Variants in PLPPR5 observed in about 807,000 individuals in gnomAD.
The protein encoded by PLPPR5 is phospholipid phosphatase related 5, also known as phospholipid phosphatase-related protein type 5.
Under a neutral mutation model 33.9 loss-of-function variants are expected in PLPPR5, and 16 were observed. That is an observed-to-expected ratio of 0.47 (90% CI 0.32 to 0.72). The LOEUF is 0.72. Among genes scored for constraint, PLPPR5 ranks in the 30% least tolerant of loss-of-function variants. The pLI, the probability that PLPPR5 is intolerant of heterozygous loss-of-function variation, is 0.03. For missense variants in PLPPR5, 301 were observed against 406.7 expected (o/e 0.74, Z 2.23); for synonymous variants, 163 against 150.3 (o/e 1.08, Z -0.62).
chr1:99,004,475 A>T lies in PLPPR5; in HGVS notation c.197T>A (p.Val66Glu), dbSNP rs1652994405. The change falls in exon 1 of 6, where the codon GTG becomes GAG. Residue 66 changes from valine to glutamate, a missense_variant. Coordinates refer to ENST00000263177, the MANE Select transcript of PLPPR5 (RefSeq NM_001037317.2). ...CCCGGCGGCCAGCGAGTAGAGGAGCACGGGGGGCACGGCGCTGCTGTCCTC... is the reference window on the plus strand; with the variant it reads ...CCCGGCGGCCAGCGAGTAGAGGAGCTCGGGGGGCACGGCGCTGCTGTCCTC... Reference protein sequence around the residue: ...GPEDSSAVPPVLLYSLAAGVP... With the variant: ...GPEDSSAVPPELLYSLAAGVP... 6.2e-7 allele frequency: 1 copy of T among 1,611,892 alleles called. No individual in the cohort carries two copies. Among genetic ancestry groups the T allele is most frequent in the South Asian group, 1.1e-5 (1 of 90,938 alleles).
At chr1:98,966,876 G>A (rs1354886069) in intron 1 of PLPPR5, among the ~76,000 whole-genome samples, 3 of 152,130 alleles carry the variant, frequency 2.0e-5, no homozygotes, top group East Asian at 1.9e-4. Flanking sequence ...GCTCTCAAAT[G>A]TGGTCCCTGA....
At chr1:98,939,558 A>C (rs1465546946) in intron 3 of PLPPR5, among the ~76,000 whole-genome samples, 2 of 152,000 alleles carry the variant, frequency 1.3e-5, no homozygotes, top group East Asian at 3.8e-4. Context: ...CAAAAATCTG[A>C]GTGTGGCCTT....
intron 5 of PLPPR5, among the ~76,000 whole-genome samples, chr1:98,902,989 A>C (rs1648751279): frequency 6.6e-6 from 1 of 152,124 alleles, no homozygotes; most frequent in African/African-American, 2.4e-5. Flanking sequence ...ATAGTGTGGA[A>C]AAATTGATTC....
intron 1 of PLPPR5, among the ~76,000 whole-genome samples, chr1:98,973,601 G>A (rs1651737802): frequency 1.3e-5 from 2 of 151,748 alleles, no homozygotes; most frequent in African/African-American, 2.4e-5. Flanking sequence ...TGAAATGGGA[G>A]GATTAATAAT....
chr1:98,957,861 A>T (rs1374068093), intron 1 of PLPPR5, among the ~76,000 whole-genome samples: 1 of 152,210 alleles, frequency 6.6e-6, no homozygotes, highest in Non-Finnish European at 1.5e-5. Context: ...TACTCTGTTG[A>T]CTTATTAAAG....
At chr1:99,004,357 C>A in intron 1 of PLPPR5, 78 bp downstream of exon 1, 2 of 1,288,188 alleles carry the variant, frequency 1.6e-6, no homozygotes, top group Non-Finnish European at 2.1e-6. Context: ...GCGCCCCAAC[C>A]CTTAGAGGGG....
At chr1:98,910,105 T>C (rs1474410224) in intron 5 of PLPPR5, among the ~76,000 whole-genome samples, 2 of 152,226 alleles carry the variant, frequency 1.3e-5, no homozygotes, top group African/African-American at 4.8e-5. Flanking sequence ...TAAAAGGTTA[T>C]ATAAGTACAT....
intron 3 of PLPPR5, among the ~76,000 whole-genome samples, chr1:98,941,016 G>C (rs1650349518): frequency 6.6e-6 from 1 of 151,828 alleles, no homozygotes; most frequent in South Asian, 2.1e-4. Flanking sequence ...CCAGAGATAT[G>C]TTCAAGTTAG....
chr1:98,914,569 G>A lies in PLPPR5; in HGVS notation c.933+217C>T, dbSNP rs146048671. 7.9e-3 allele frequency among the ~76,000 whole-genome samples: 1,202 copies of A among 152,164 alleles called. 5 individuals are homozygous for A. Among genetic ancestry groups the A allele is most frequent in the Non-Finnish European group, 0.014 (972 of 68,002 alleles). On this transcript the variant is annotated intron_variant, in intron 5 of 5. Coordinates refer to ENST00000263177, the MANE Select transcript of PLPPR5 (RefSeq NM_001037317.2). ...CCCAAAGAGCTGGGATTGATTACAG[G>A]CCAGGTGTAAGCCATTGTGACCGGC...
intron 3 of PLPPR5, among the ~76,000 whole-genome samples, chr1:98,929,000 T>C (rs1649867127): frequency 6.6e-6 from 1 of 152,166 alleles, no homozygotes; most frequent in Non-Finnish European, 1.5e-5. Context: ...AGTTGTTTTG[T>C]ATTTTATTGA....
intron 3 of PLPPR5, among the ~76,000 whole-genome samples, chr1:98,946,530 T>G (rs1335575921): frequency 6.6e-6 from 1 of 152,190 alleles, no homozygotes; most frequent in East Asian, 1.9e-4. Flanking sequence ...TCTTGTTCTT[T>G]GCCTTTGCTT....
intron 3 of PLPPR5, among the ~76,000 whole-genome samples, chr1:98,945,786 T>C (rs913021092): frequency 3.3e-5 from 5 of 152,154 alleles, no homozygotes; most frequent in Admixed American, 1.3e-4. Flanking sequence ...AGCAGAACAA[T>C]TGGACCATGA....
At chr1:98,952,330 G>A (rs572841845) in intron 3 of PLPPR5, among the ~76,000 whole-genome samples, 3 of 152,090 alleles carry the variant, frequency 2.0e-5, no homozygotes, top group Non-Finnish European at 4.4e-5. Context: ...CAGGGAACGC[G>A]TTAGGAGTCC....
intron 5 of PLPPR5, among the ~76,000 whole-genome samples, chr1:98,914,584 T>C (rs978340125): frequency 1.4e-4 from 21 of 152,118 alleles, no homozygotes; most frequent in African/African-American, 1.9e-4. Flanking sequence ...GTGTAAGCCA[T>C]TGTGACCGGC....
intron 1 of PLPPR5, among the ~76,000 whole-genome samples, chr1:98,957,155 G>C (rs1370388333): frequency 6.9e-6 from 1 of 145,490 alleles, no homozygotes; most frequent in Non-Finnish European, 1.5e-5. Flanking sequence ...ATGGACACAG[G>C]AAGGGGAACA....
chr1:98,939,971 A>G (rs1020500139), intron 3 of PLPPR5, among the ~76,000 whole-genome samples: 1 of 151,784 alleles, frequency 6.6e-6, no homozygotes, highest in African/African-American at 2.4e-5. Context: ...GTGATTATGG[A>G]GGTTGGAGGC....
At chr1:98,898,463 G>A (rs576336477) in intron 5 of PLPPR5, among the ~76,000 whole-genome samples, 1 of 152,252 alleles carries the variant, frequency 6.6e-6, no homozygotes, top group Non-Finnish European at 1.5e-5. Context: ...GTCCTTTGAG[G>A]AGGGGAAGGT....
At chr1:98,924,720 T>C (rs143461781) in intron 3 of PLPPR5, among the ~76,000 whole-genome samples, 121 of 152,276 alleles carry the variant, frequency 7.9e-4, no homozygotes, top group African/African-American at 2.8e-3. Flanking sequence ...GAAGTTTCTC[T>C]TGAATGTCGA....
At chr1:98,933,089 A>T (rs1329098812) in intron 3 of PLPPR5, among the ~76,000 whole-genome samples, 1 of 152,190 alleles carries the variant, frequency 6.6e-6, no homozygotes, top group African/African-American at 2.4e-5. Context: ...ACTCACAGTA[A>T]GCAGAATAAG....
Sources: gnomAD v4.1 joint callset for allele counts (sites outside exome capture counted in the v4.1 genomes callset) on GRCh38, gnomAD v4.1.1 for gene constraint, MANE v1.5 for transcripts, NCBI Gene and HGNC (gene_info 2026-07-23, HGNC 2026-07-21) for gene names.